The following CNMD variants were observed in gnomAD, a reference collection of about 807,000 sequenced individuals.
The protein encoded by CNMD is chondromodulin, also known as leukocyte cell-derived chemotaxin 1.
In CNMD, 30 loss-of-function variants were observed where a neutral mutation model predicts 37.5. The ratio of observed to expected loss-of-function variants is 0.80; its 90% CI spans 0.60 to 1.09. CNMD has a LOEUF of 1.09. Among genes scored for constraint, CNMD ranks in the 50% least tolerant of loss-of-function variants. The pLI is 0.00. For missense variants in CNMD, 398 were observed against 423.9 expected, an observed-to-expected ratio of 0.94 and a Z score of 0.54; for synonymous variants, 167 against 148.2, an observed-to-expected ratio of 1.13 and a Z score of -0.92.
chr13:52,723,985 G>A lies in CNMD; in HGVS notation c.468+12C>T. On this transcript the variant is annotated intron_variant, in intron 4 of 6. Transcript: ENST00000377962. ...CAAGCAGTCTCACTGTCTCAGGCAT[G>A]TTGGTACCCACCAGTTTGGAGGAGA... The A allele has an allele frequency of 6.5e-7, 1 of 1,549,932 alleles. No individual in the cohort carries two copies. Among genetic ancestry groups the A allele is most frequent in the South Asian group, 1.1e-5 (1 of 89,774 alleles).
At chr13:52,728,308 G>A (rs998668206) in intron 3 of CNMD, among the ~76,000 whole-genome samples, 5 of 151,848 alleles carry the variant, frequency 3.3e-5, no homozygotes, top group African/African-American at 1.2e-4. Flanking sequence ...AACCCAGGAG[G>A]CAGAGGTTGC....
intron 4 of CNMD, among the ~76,000 whole-genome samples, chr13:52,718,713 T>C (rs756020107): frequency 5.3e-5 from 8 of 152,184 alleles, no homozygotes; most frequent in South Asian, 2.1e-4. Flanking sequence ...GAGACTGTTA[T>C]GATTTCCATT....
chr13:52,708,294 G>T (rs1230827663), intron 6 of CNMD, among the ~76,000 whole-genome samples: 1 of 150,932 alleles, frequency 6.6e-6, no homozygotes, highest in Non-Finnish European at 1.5e-5. Context: ...CGATTCTCCT[G>T]CCTCAGCCTC....
chr13:52,712,716 CT>C lies in CNMD; in HGVS notation c.621del (p.Glu208LysfsTer10), dbSNP rs756209622. 7.3e-6 allele frequency: 11 copies of C among 1,502,354 alleles called. No homozygotes were observed. The highest frequency in any genetic ancestry group is 1.4e-5 in the African/African-American group (1 of 70,852). 93.1% of individuals were successfully genotyped at this position (1,502,354 alleles called of 1,614,324 possible). On this transcript the variant is annotated frameshift_variant and splice_region_variant, in exon 5 of 7. Coordinates refer to ENST00000377962, the MANE Select transcript of CNMD (RefSeq NM_007015.3). LOFTEE classifies it high-confidence loss of function. ...AGCTTAAGATAATTTAAAATGTTACCTTTTGGATAGGTTGGTTTAAGCCAGA... is the reference window on the plus strand; with the variant it reads ...AGCTTAAGATAATTTAAAATGTTACCTTTGGATAGGTTGGTTTAAGCCAGA... ...PIFWLKPTYP[K>X]EIQRERREVV...
chr13:52,717,295 C>T (rs1276140032), intron 4 of CNMD, among the ~76,000 whole-genome samples: 2 of 152,172 alleles, frequency 1.3e-5, no homozygotes, highest in East Asian at 3.9e-4. Flanking sequence ...CAAAATGAGA[C>T]AATTTGACTT....
intron 6 of CNMD, among the ~76,000 whole-genome samples, chr13:52,706,568 C>G (rs937938642): frequency 6.6e-6 from 1 of 152,010 alleles, no homozygotes; most frequent in African/African-American, 2.4e-5. Context: ...TAATTTATAG[C>G]CATGAAAGCA....
In CNMD at chr13:52,721,548, G is replaced by GT. The variant is rs368616865; in HGVS notation, c.468+2448dup. 4.5e-3 allele frequency among the ~76,000 whole-genome samples: 691 copies of GT among 152,344 alleles called. 5 individuals carry two copies. The highest frequency in any genetic ancestry group is 0.016 in the African/African-American group (652 of 41,594). ...CAACTTCCCTTGGCTAGCAGGGGGAGTTCCCCAACCCCTTGAGCTTCCTGG... is the reference window on the plus strand; with the variant it reads ...CAACTTCCCTTGGCTAGCAGGGGGAGTTTCCCCAACCCCTTGAGCTTCCTGG... On this transcript the variant is annotated intron_variant, in intron 4 of 6. Coordinates refer to ENST00000377962, the MANE Select transcript of CNMD (RefSeq NM_007015.3).
intron 6 of CNMD, 72 bp from the exon 7 acceptor site, chr13:52,703,882 ATAAG>A: frequency 1.5e-6 from 2 of 1,365,142 alleles, no homozygotes; most frequent in Non-Finnish European, 2.1e-6. Flanking sequence ...TTATTTTTAA[ATAAG>A]ATTCTGAATT....
Position 52,739,030 on chromosome 13 carries a change from C to G in CNMD, c.213+1G>C, listed in dbSNP as rs1263774470. 1 of 1,576,670 alleles carries G rather than the reference C, an allele frequency of 6.3e-7. No individual in the cohort carries two copies. The highest frequency in any genetic ancestry group is 1.8e-5 in the Admixed American group (1 of 55,282). ...CCCCGCGCGCCGCCCTCTGGACTTA[C>G]GTGACTGTCGCTCCCCTTCCAGAAG... On this transcript the variant is annotated splice_donor_variant, in intron 2 of 6. Transcript: ENST00000377962. LOFTEE classifies it high-confidence loss of function. The surrounding 1 kb of genome is among the most constrained non-coding windows in gnomAD (Gnocchi z 5.4).
At chr13:52,737,951 A>G (rs1284818746) in intron 2 of CNMD, among the ~76,000 whole-genome samples, 2 of 152,288 alleles carry the variant, frequency 1.3e-5, no homozygotes, top group Admixed American at 6.5e-5. Context: ...GCTAAATGGC[A>G]TGCTTATCTA....
At chr13:52,733,145 C>T (rs766495076) in intron 3 of CNMD, 74 bp downstream of exon 3, 1 of 1,487,318 alleles carries the variant, frequency 6.7e-7, no homozygotes, top group Non-Finnish European at 9.4e-7. Flanking sequence ...GTGAGAAACG[C>T]TGCTCCTCCT....
intron 4 of CNMD, among the ~76,000 whole-genome samples, chr13:52,715,157 G>GT (rs1317638048): frequency 1.3e-5 from 2 of 152,078 alleles, no homozygotes; most frequent in African/African-American, 2.4e-5. Context: ...TATACTGTTA[G>GT]TTTTTTTAAA....
chr13:52,724,806 A>G (rs1417734219), intron 3 of CNMD, among the ~76,000 whole-genome samples: 2 of 152,108 alleles, frequency 1.3e-5, no homozygotes, highest in African/African-American at 2.4e-5. Context: ...CTGAGGCCGG[A>G]GAATCGCTTG....
chr13:52,733,015 G>GTTTTTT, intron 3 of CNMD: 1 of 589,356 alleles, frequency 1.7e-6, no homozygotes. Flanking sequence ...CTGAAGTGTT[G>GTTTTTT]TTTTTTTCTT....
chr13:52,721,780 C>T (rs1480989544), intron 4 of CNMD, among the ~76,000 whole-genome samples: 5 of 152,210 alleles, frequency 3.3e-5, no homozygotes, highest in African/African-American at 4.8e-5. Context: ...AAATTTCCTA[C>T]AGTAACACAG....
At chr13:52,720,961 C>T (rs983084045) in intron 4 of CNMD, among the ~76,000 whole-genome samples, 2 of 152,148 alleles carry the variant, frequency 1.3e-5, no homozygotes, top group African/African-American at 4.8e-5. Flanking sequence ...TCTATAAGCC[C>T]GACTGGGGCT....
At chr13:52,724,691 G>A (rs1050984647) in intron 3 of CNMD, among the ~76,000 whole-genome samples, 2 of 152,102 alleles carry the variant, frequency 1.3e-5, no homozygotes, top group Admixed American at 6.6e-5. Context: ...GAGGTCGGGA[G>A]TTTGAGACCA....
At position 52,739,335 on chromosome 13, in the gene CNMD, A is replaced by T; in HGVS notation, c.73-164T>A. 1 of 858,990 alleles carries T rather than the reference A, an allele frequency of 1.2e-6. No homozygotes were observed. The highest frequency in any genetic ancestry group is 1.7e-6 in the Non-Finnish European group (1 of 586,850). The allele number at this position is 858,990 out of a possible 1,614,324, so 53.2% of individuals were successfully genotyped here. On this transcript the variant is annotated intron_variant, in intron 1 of 6. Coordinates refer to ENST00000377962, the MANE Select transcript of CNMD (RefSeq NM_007015.3). This position sits in a 1 kb window ranked among gnomAD's most constrained non-coding sequence, Gnocchi z 5.4. ...GCCCCTTTCGCCGCGCTCCCTCCCGAGGGTCCTTTGCAGTCGGGCGTGGAA... is the reference window on the plus strand; with the variant it reads ...GCCCCTTTCGCCGCGCTCCCTCCCGTGGGTCCTTTGCAGTCGGGCGTGGAA...
intron 6 of CNMD, among the ~76,000 whole-genome samples, chr13:52,706,781 G>A (rs1038336668): frequency 6.6e-6 from 1 of 152,000 alleles, no homozygotes; most frequent in Admixed American, 6.6e-5. Flanking sequence ...AAAGAAACTG[G>A]ACAAATAGTC....
Sources: gnomAD v4.1 joint callset for allele counts (sites outside exome capture counted in the v4.1 genomes callset) on GRCh38, gnomAD v4.1.1 for gene constraint, Gnocchi (gnomAD v3.1) non-coding constraint, MANE v1.5 for transcripts, NCBI Gene and HGNC (gene_info 2026-07-23, HGNC 2026-07-21) for gene names.